The following NUGGC variants were observed in gnomAD, a reference collection of about 807,000 sequenced individuals.
NUGGC encodes the protein nuclear GTPase, germinal center associated.
A neutral mutation model predicts 92.6 loss-of-function variants in NUGGC; 58 were observed. That is an observed-to-expected ratio of 0.63 (90% CI 0.51 to 0.78). The LOEUF (loss-of-function observed/expected upper bound fraction) is 0.78, where lower values mean the gene tolerates loss of function less well. Ranked by LOEUF, NUGGC falls within the 30% of genes least tolerant of loss-of-function variation. The pLI is 0.00. For synonymous variants in NUGGC, 376 were observed against 366.4 expected, an observed-to-expected ratio of 1.03 and a Z score of -0.30; for missense variants, 925 against 964.6, an observed-to-expected ratio of 0.96 and a Z score of 0.54.
At chr8:28,060,099 A>G (rs1810258937) in intron 8 of NUGGC, among the ~76,000 whole-genome samples, 1 of 151,964 alleles carries the variant, frequency 6.6e-6, no homozygotes, top group Admixed American at 6.5e-5. Context: ...CACTTTCTAC[A>G]TCTGTGGAGC....
chr8:28,074,179 G>T (rs1272126007), intron 2 of NUGGC, among the ~76,000 whole-genome samples, 189 bp downstream of exon 2: 5 of 151,824 alleles, frequency 3.3e-5, no homozygotes, highest in South Asian at 2.1e-4. Context: ...TTATGAACAG[G>T]TTATTTCAGT....
chr8:28,033,412 A>T, intron 14 of NUGGC, 128 bp downstream of exon 14: 1 of 605,420 alleles, frequency 1.7e-6, no homozygotes, highest in Non-Finnish European at 2.5e-6. Flanking sequence ...TTTGCCAAGG[A>T]CTAAGGTTTC....
chr8:28,041,219 G>T lies in NUGGC; in HGVS notation c.1447-4C>A. The T allele has an allele frequency of 6.2e-7, 1 of 1,608,084 alleles. No homozygotes were observed. The highest frequency in any genetic ancestry group is 2.2e-5 in the East Asian group (1 of 44,678). On this transcript the variant is annotated splice_polypyrimidine_tract_variant and splice_region_variant and intron_variant, in intron 12 of 18. Transcript: ENST00000413272. ...CACTCATGTGCAAGTGTTCATTCTA[G>T]GGACAAGGACCATAAAAGAATCAGG...
intron 7 of NUGGC, 24 bp downstream of exon 7, chr8:28,064,498 A>T: frequency 6.2e-7 from 1 of 1,602,584 alleles, no homozygotes; most frequent in Non-Finnish European, 8.5e-7. Flanking sequence ...GGAAGAGAGA[A>T]CTAAACCTAC....
rs191437746 is a variant in NUGGC at position 28,073,853 on chromosome 8, C to T, written c.43+515G>A. 6.7e-3 allele frequency among the ~76,000 whole-genome samples: 1,022 copies of T among 152,250 alleles called. 5 individuals are homozygous for T. The highest frequency in any genetic ancestry group is 0.014 in the Middle Eastern group (4 of 294). ...TCACTCTGTCGCCCAGGCTGGAGAG[C>T]AGTGGCACAATCTTGGCTCACTGTG... On this transcript the variant is annotated intron_variant, in intron 2 of 18. Coordinates refer to ENST00000413272, the MANE Select transcript of NUGGC (RefSeq NM_001010906.2).
intron 8 of NUGGC, among the ~76,000 whole-genome samples, chr8:28,059,093 A>C (rs1377823439): frequency 6.6e-6 from 1 of 152,132 alleles, no homozygotes; most frequent in African/African-American, 2.4e-5. Flanking sequence ...CAGGAGGAAA[A>C]AAATGAAGCT....
Position 28,029,385 on chromosome 8 carries a change from C to G in NUGGC, c.2035G>C (p.Gly679Arg). The change falls in exon 17 of 19, where the codon GGC becomes CGC. Residue 679 changes from glycine to arginine, a missense_variant. Coordinates refer to ENST00000413272, the MANE Select transcript of NUGGC (RefSeq NM_001010906.2). ...LCYEEAAQIT[G>R]KKACERMKDA... Reference sequence around the variant, plus strand: ...TTCATCCGCTCACACGCTTTTTTGCCCGTGATCTGAGCTGCCTCTGGCAAA... The same window carrying G: ...TTCATCCGCTCACACGCTTTTTTGCGCGTGATCTGAGCTGCCTCTGGCAAA... 1.2e-6 allele frequency: 2 copies of G among 1,612,616 alleles called. No homozygotes were observed. Among genetic ancestry groups the G allele is most frequent in the Non-Finnish European group, 1.7e-6 (2 of 1,179,322 alleles).
At chr8:28,059,946 A>C (rs553196151) in intron 8 of NUGGC, among the ~76,000 whole-genome samples, 6 of 152,084 alleles carry the variant, frequency 3.9e-5, no homozygotes, top group African/African-American at 1.4e-4. Flanking sequence ...GCTTGAACCC[A>C]GGAGACGGAG....
chr8:28,034,650 C>G (rs1199880232), intron 13 of NUGGC, among the ~76,000 whole-genome samples: 5 of 152,160 alleles, frequency 3.3e-5, no homozygotes, highest in African/African-American at 1.2e-4. Context: ...ACCCCCATCT[C>G]TACTAAAAAT....
At chr8:28,062,576 C>T (rs998562643) in intron 7 of NUGGC, among the ~76,000 whole-genome samples, 10 of 152,188 alleles carry the variant, frequency 6.6e-5, no homozygotes, top group African/African-American at 2.4e-4. Flanking sequence ...ATGATTATGC[C>T]ACTGTACTCC....
At position 28,047,521 on chromosome 8, in the gene NUGGC, G is replaced by A. The variant is rs955005459; in HGVS notation, c.1298C>T (p.Thr433Ile). 5 of 1,551,044 alleles carry A rather than the reference G, an allele frequency of 3.2e-6. No individual in the cohort carries two copies. The highest frequency in any genetic ancestry group is 1.9e-5 in the Admixed American group (1 of 52,328). The change falls in exon 11 of 19, where the codon ACC (threonine) becomes ATC (isoleucine). Residue 433 changes from threonine to isoleucine, a missense_variant. Transcript: ENST00000413272. ...AQEYWQQALL[T>I]EEETEIPKLR... ...ACATAAATTACCCGTTTCCTCCTCGGTGAGGAGAGCCTGCTGCCAGTACTC... is the reference window on the plus strand; with the variant it reads ...ACATAAATTACCCGTTTCCTCCTCGATGAGGAGAGCCTGCTGCCAGTACTC...
At position 28,067,536 on chromosome 8, in the gene NUGGC, A is replaced by C. The variant is rs1439810233; in HGVS notation, c.689T>G (p.Val230Gly). 4 of 1,609,996 alleles carry C rather than the reference A, an allele frequency of 2.5e-6. No homozygotes were observed. Among genetic ancestry groups the C allele is most frequent in the Non-Finnish European group, 3.4e-6 (4 of 1,178,102 alleles). ...KPKRKIPTSR[V>G]ITLKAEEAEE... ...TACCTCTTCCGCCTTGAGGGTGATG[A>C]CTCTGGAGGTGGGGATCTTCCTTTT... Residue 230 changes from valine (V) to glycine (G), a missense_variant, in exon 6 of 19, where the codon GTC (valine) becomes GGC (glycine). Val to Gly is a moderately radical substitution (Grantham distance 109). Coordinates refer to ENST00000413272, the MANE Select transcript of NUGGC (RefSeq NM_001010906.2).
At chr8:28,047,396 AGCT>A in intron 11 of NUGGC, 108 bp downstream of exon 11, 1 of 651,154 alleles carries the variant, frequency 1.5e-6, no homozygotes, top group Non-Finnish European at 2.7e-6. Context: ...AACCATGGCA[AGCT>A]GGAAAAAAAT....
chr8:28,050,624 A>G (rs949834594), intron 10 of NUGGC, among the ~76,000 whole-genome samples: 24 of 152,114 alleles, frequency 1.6e-4, no homozygotes, highest in Non-Finnish European at 2.9e-4. Context: ...CAGCCTGGCC[A>G]ATATGGTGAA....
chr8:28,051,126 A>G (rs971873817), intron 10 of NUGGC, among the ~76,000 whole-genome samples: 3 of 152,092 alleles, frequency 2.0e-5, no homozygotes, highest in African/African-American at 7.2e-5. Context: ...TCCTGGCCCA[A>G]TTATTATTTT....
chr8:28,052,145 A>G (rs1445612484), intron 10 of NUGGC, among the ~76,000 whole-genome samples: 1 of 152,182 alleles, frequency 6.6e-6, no homozygotes, highest in Non-Finnish European at 1.5e-5. Flanking sequence ...ATCCATAACT[A>G]CATTGTGATC....
At chr8:28,074,518 C>A (rs1003275422) in intron 1 of NUGGC, 62 bp from the exon 2 acceptor site, 3 of 1,065,084 alleles carry the variant, frequency 2.8e-6, no homozygotes, top group Non-Finnish European at 4.3e-6. Flanking sequence ...GAAAGCAAAC[C>A]CTAAGGATGT....
At chr8:28,060,715 C>T (rs1810282754) in intron 7 of NUGGC, 114 bp from the exon 8 acceptor site, 2 of 808,560 alleles carry the variant, frequency 2.5e-6, no homozygotes, top group East Asian at 5.4e-5. Context: ...CCTCACCGCT[C>T]CCCACCGCAC....
chr8:28,030,526 GC>G (rs1171574319), intron 15 of NUGGC, 108 bp from the exon 16 acceptor site: 3 of 676,424 alleles, frequency 4.4e-6, no homozygotes, highest in Admixed American at 4.2e-5. Flanking sequence ...CTTATATGAT[GC>G]CCAGTTGTTT....
Sources: allele counts gnomAD v4.1 joint callset (sites outside exome capture counted in the v4.1 genomes callset), GRCh38; gene constraint gnomAD v4.1.1; transcripts MANE v1.5; gene names NCBI Gene and HGNC (gene_info 2026-07-23, HGNC 2026-07-21).